EMILIN2: variants seen among roughly 807,000 people sequenced by gnomAD.
The protein encoded by EMILIN2 is EMILIN-2.
In EMILIN2, 71 loss-of-function variants were observed where a neutral mutation model predicts 87.1. The observed-to-expected ratio is 0.82, with a 90% CI of 0.67 to 0.99. The LOEUF is 0.99. EMILIN2 is among the 50% of genes least tolerant of loss of function. The probability of loss-of-function intolerance (pLI) is 0.00; values close to 1 mark genes in which losing one functional copy is unlikely to be tolerated. For synonymous variants in EMILIN2, 581 were observed against 563.4 expected, an observed-to-expected ratio of 1.03 and a Z score of -0.44; for missense variants, 1,407 against 1,371.8, an observed-to-expected ratio of 1.03 and a Z score of -0.40.
chr18:2,872,646 C>G (rs1035642468), intron 2 of EMILIN2, among the ~76,000 whole-genome samples: 2 of 152,194 alleles, frequency 1.3e-5, no homozygotes, highest in African/African-American at 4.8e-5. Context: ...ACTTACTTGG[C>G]AATCTCAGTG....
chr18:2,848,255 G>A lies in EMILIN2; in HGVS notation c.257+324G>A, dbSNP rs2076586285. On this transcript the variant is annotated intron_variant, in intron 2 of 7. Transcript: ENST00000254528. This position sits in a 1 kb window ranked among gnomAD's most constrained non-coding sequence, Gnocchi z 4.1. ...TGTTTGTTTGTAACATAAGGCAGCT[G>A]AATCTAATTGGATCCATATTGTGTG... Among the ~76,000 whole-genome samples, 1 of 152,242 alleles carries A rather than the reference G, an allele frequency of 6.6e-6. No individual in the cohort carries two copies. The highest frequency in any genetic ancestry group is 2.4e-5 in the African/African-American group (1 of 41,472).
intron 3 of EMILIN2, among the ~76,000 whole-genome samples, chr18:2,886,902 C>T (rs2076805920): frequency 6.6e-6 from 1 of 152,188 alleles, no homozygotes; most frequent in Admixed American, 6.5e-5. Flanking sequence ...TTCTCACTTG[C>T]CCTACCTGGA....
rs1167582365 is a variant in EMILIN2, at chr18:2,914,186, AATT to A, written c.*784_*786del. Reference sequence around the variant, plus strand: ...GGCTACAGAAAGTAACCTTGAGTAAAATTAATCTCAGCTACAAAACTGTTACCC... The same window carrying A: ...GGCTACAGAAAGTAACCTTGAGTAAAAATCTCAGCTACAAAACTGTTACCC... On this transcript the variant is annotated 3_prime_UTR_variant, in exon 8 of 8. Transcript: ENST00000254528. The A allele has an allele frequency of 1.3e-5, 2 of 152,476 alleles. No individual in the cohort carries two copies. Among genetic ancestry groups the A allele is most frequent in the Non-Finnish European group, 2.9e-5 (2 of 68,042 alleles). The allele number at this position is 152,476 out of a possible 1,614,324, so 9.4% of individuals were successfully genotyped here.
At position 2,847,178 on chromosome 18, in the gene EMILIN2, C is replaced by T; in HGVS notation, c.-11C>T. The T allele has an allele frequency of 9.0e-7, 1 of 1,116,152 alleles. No individual in the cohort carries two copies. Among genetic ancestry groups the T allele is most frequent in the Non-Finnish European group, 1.1e-6 (1 of 918,302 alleles). 69.1% of individuals were successfully genotyped at this position (1,116,152 alleles called of 1,614,324 possible). On this transcript the variant is annotated 5_prime_UTR_variant, in exon 1 of 8. Coordinates refer to ENST00000254528, the MANE Select transcript of EMILIN2 (RefSeq NM_032048.3). The surrounding 1 kb of genome is among the most constrained non-coding windows in gnomAD (Gnocchi z 4.5). ...GACCCGGGCAGGCGGGGCGCGCCCG[C>T]TGCGCGCGGGATGTGGCAGCCCAGA...
chr18:2,869,366 AC>A (rs1293557645), intron 2 of EMILIN2, among the ~76,000 whole-genome samples: 3 of 152,120 alleles, frequency 2.0e-5, no homozygotes, highest in East Asian at 3.8e-4. Flanking sequence ...TGACATATAT[AC>A]CCGTGAAACC....
chr18:2,894,197 T>C lies in EMILIN2; in HGVS notation c.2359+1711T>C, dbSNP rs970144696. 6.6e-6 allele frequency among the ~76,000 whole-genome samples: 1 copy of C among 152,136 alleles called. No homozygotes were observed. The highest frequency in any genetic ancestry group is 2.4e-5 in the African/African-American group (1 of 41,438). ...TAGAACGTGGGAAGCAGGCGAGCTCTGGCTTGGTCAGGGAGAGCCAGGGCC... is the reference window on the plus strand; with the variant it reads ...TAGAACGTGGGAAGCAGGCGAGCTCCGGCTTGGTCAGGGAGAGCCAGGGCC... On this transcript the variant is annotated intron_variant, in intron 4 of 7. Coordinates refer to ENST00000254528, the MANE Select transcript of EMILIN2 (RefSeq NM_032048.3). This position sits in a 1 kb window ranked among gnomAD's most constrained non-coding sequence, Gnocchi z 5.0.
chr18:2,854,252 A>G (rs1162207166), intron 2 of EMILIN2, among the ~76,000 whole-genome samples: 1 of 151,800 alleles, frequency 6.6e-6, no homozygotes. Flanking sequence ...AATTTTTCCT[A>G]TTAGCTCTTT....
rs1442252208 is a variant in EMILIN2 at position 2,907,278 on chromosome 18, C to T, written c.2662+193C>T. ...GTCCAGCACACGGAGGCCGGGGCAC[C>T]TCAGGGACAGTGCAGTCGTCTGTAC... On this transcript the variant is annotated intron_variant, in intron 5 of 7. Coordinates refer to ENST00000254528, the MANE Select transcript of EMILIN2 (RefSeq NM_032048.3). 2.6e-5 allele frequency among the ~76,000 whole-genome samples: 4 copies of T among 152,234 alleles called. No homozygotes were observed. The East Asian group carries it at 5.8e-4, about 22-fold the overall frequency.
rs2076584429 is a variant in EMILIN2 at position 2,847,963 on chromosome 18, G to A, written c.257+32G>A. On this transcript the variant is annotated intron_variant, in intron 2 of 7. Transcript: ENST00000254528. This position sits in a 1 kb window ranked among gnomAD's most constrained non-coding sequence, Gnocchi z 4.5. ...CCTGGAGCCGGGGAGCGGGCGGGGC[G>A]CGCCCGGGCCGGGGCGGTGGGGGTG... 3.8e-6 allele frequency: 6 copies of A among 1,583,398 alleles called. No individual in the cohort carries two copies. Among genetic ancestry groups the A allele is most frequent in the Non-Finnish European group, 4.3e-6 (5 of 1,168,310 alleles).
rs1272401410 is a variant in EMILIN2, at chr18:2,913,216, T to C, written c.2974T>C (p.Tyr992His). The change falls in exon 8 of 8, where the codon TAC becomes CAC. Residue 992 changes from tyrosine (Y) to histidine (H), a missense_variant. Coordinates refer to ENST00000254528, the MANE Select transcript of EMILIN2 (RefSeq NM_032048.3). Reference protein sequence around the residue: ...TAGYRREFLEYHRPPGALHTC... With the variant: ...TAGYRREFLEHHRPPGALHTC... ...TGGGTACAGGAGAGAGTTCCTGGAATACCACCGCCCTCCAGGAGCTTTGCA... is the reference window on the plus strand; with the variant it reads ...TGGGTACAGGAGAGAGTTCCTGGAACACCACCGCCCTCCAGGAGCTTTGCA... 1.9e-6 allele frequency: 3 copies of C among 1,613,864 alleles called. No homozygotes were observed. Among genetic ancestry groups the C allele is most frequent in the Non-Finnish European group, 1.7e-6 (2 of 1,180,000 alleles).
rs759693017 is a variant in EMILIN2, at chr18:2,891,232, A to G, written c.1105A>G (p.Ile369Val). The G allele has an allele frequency of 1.9e-6, 3 of 1,614,190 alleles. No homozygotes were observed. The highest frequency in any genetic ancestry group is 2.5e-6 in the Non-Finnish European group (3 of 1,180,038). The change falls in exon 4 of 8, where the codon ATA becomes GTA. Residue 369 changes from isoleucine to valine, a missense_variant. By Grantham distance (29) the Ile-to-Val change is conservative. Transcript: ENST00000254528. This position sits in a 1 kb window ranked among gnomAD's most constrained non-coding sequence, Gnocchi z 4.6. ...CAGCTACCTGGGAGTGATAGAGCTC[A>G]TAGGGGAGAAGGAAACAAGCCTGAG... ...GSSYLGVIELIGEKETSLRKE... is the reference protein window; with the variant it reads ...GSSYLGVIELVGEKETSLRKE...
At chr18:2,850,381 T>C (rs1339021674) in intron 2 of EMILIN2, among the ~76,000 whole-genome samples, 1 of 151,784 alleles carries the variant, frequency 6.6e-6, no homozygotes, top group Non-Finnish European at 1.5e-5. Context: ...CTGGGACCTG[T>C]GGAAGGAAAC....
At chr18:2,900,618 C>A (rs10163800) in intron 4 of EMILIN2, among the ~76,000 whole-genome samples, 4,825 of 152,254 alleles carry the variant, frequency 0.032, 264 homozygotes, top group African/African-American at 0.11. Flanking sequence ...CCCTCCTGTC[C>A]CGCAGGGGAG....
chr18:2,909,019 G>A, intron 6 of EMILIN2, 44 bp downstream of exon 6: 1 of 1,610,680 alleles, frequency 6.2e-7, no homozygotes, highest in Middle Eastern at 2.1e-4. Context: ...CGGTCTCCTT[G>A]GTGGCCTCTG....
intron 2 of EMILIN2, among the ~76,000 whole-genome samples, chr18:2,849,420 T>C (rs1319852664): frequency 6.6e-6 from 1 of 152,234 alleles, no homozygotes; most frequent in Non-Finnish European, 1.5e-5. Flanking sequence ...AGGTAATGCA[T>C]TTTTGTTTAA....
chr18:2,871,473 GACTC>G (rs952320468), intron 2 of EMILIN2, among the ~76,000 whole-genome samples: 28 of 152,214 alleles, frequency 1.8e-4, no homozygotes, highest in African/African-American at 4.3e-4. Context: ...GCACAGGAGG[GACTC>G]ACTCAGGAGA....
rs536939503 is a variant in EMILIN2 at position 2,885,068 on chromosome 18, G to T, written c.362G>T (p.Gly121Val). 1 of 1,613,826 alleles carries T rather than the reference G, an allele frequency of 6.2e-7. No homozygotes were observed. Among genetic ancestry groups the T allele is most frequent in the South Asian group, 1.1e-5 (1 of 90,984 alleles). The change falls in exon 3 of 8, where the codon GGT (glycine) becomes GTT (valine). Residue 121 changes from glycine (G) to valine (V), a missense_variant. Transcript: ENST00000254528. ...TTTAGAGGGGGAGATTGCCAAGAAG[G>T]TCCCAAAGACCCCGTGAAGACCCTC... ...PGFRGGDCQE[G>V]PKDPVKTLRP...
At chr18:2,863,417 G>T (rs2076671115) in intron 2 of EMILIN2, among the ~76,000 whole-genome samples, 1 of 152,082 alleles carries the variant, frequency 6.6e-6, no homozygotes, top group Admixed American at 6.5e-5. Context: ...GTGGTACGTT[G>T]TGTCTTTGTT....
intron 3 of EMILIN2, among the ~76,000 whole-genome samples, chr18:2,889,979 C>T (rs9952249): frequency 1.7e-3 from 258 of 152,274 alleles, no homozygotes; most frequent in African/African-American, 5.8e-3. Context: ...CTGTGAGACT[C>T]TTTGAGCACA....
Sources: allele counts gnomAD v4.1 joint callset (sites outside exome capture counted in the v4.1 genomes callset), GRCh38; gene constraint gnomAD v4.1.1; non-coding constraint Gnocchi (gnomAD v3.1); transcripts MANE v1.5; gene names NCBI Gene and HGNC (gene_info 2026-07-23, HGNC 2026-07-21).